LOX: variants seen among roughly 807,000 people sequenced by gnomAD.
LOX encodes the protein protein-lysine 6-oxidase.
LOX carries 12 observed loss-of-function variants against 50.5 expected under a neutral mutation model. That is an observed-to-expected ratio of 0.24 (90% CI 0.15 to 0.38). The LOEUF is 0.38. LOX is among the 10% of genes least tolerant of loss of function. The pLI, the probability that LOX is intolerant of heterozygous loss-of-function variation, is 1.00. For synonymous variants in LOX, 254 were observed against 230.6 expected, an observed-to-expected ratio of 1.10 and a Z score of -0.92; for missense variants, 504 against 563.8, an observed-to-expected ratio of 0.89 and a Z score of 1.07.
In LOX at chr5:122,077,046, G is replaced by A; in HGVS notation, c.632-45C>T. Reference sequence around the variant, plus strand: ...GGGCGCAGCAGTGAAACAACCCGGCGCCCCCCGCTCCAACTCCCTACCCCT... The same window carrying A: ...GGGCGCAGCAGTGAAACAACCCGGCACCCCCCGCTCCAACTCCCTACCCCT... On this transcript the variant is annotated intron_variant, in intron 1 of 6. Coordinates refer to ENST00000231004, the MANE Select transcript of LOX (RefSeq NM_002317.7). This position sits in a 1 kb window ranked among gnomAD's most constrained non-coding sequence, Gnocchi z 4.9. The A allele has an allele frequency of 6.2e-7, 1 of 1,604,714 alleles. No individual in the cohort carries two copies. Among genetic ancestry groups the A allele is most frequent in the Non-Finnish European group, 8.5e-7 (1 of 1,178,628 alleles).
chr5:122,072,510 T>C (rs1172530200), intron 4 of LOX, among the ~76,000 whole-genome samples: 3 of 152,204 alleles, frequency 2.0e-5, no homozygotes, highest in Non-Finnish European at 2.9e-5. Context: ...ACAAGAGTTA[T>C]TAATATGTAA....
intron 4 of LOX, among the ~76,000 whole-genome samples, chr5:122,072,044 A>T (rs916948533): frequency 3.9e-5 from 6 of 152,234 alleles, no homozygotes; most frequent in Non-Finnish European, 8.8e-5. Context: ...ATTCCAGCAT[A>T]CAATTCTGAT....
In LOX at chr5:122,065,934, A is replaced by G. The variant is rs886545539; in HGVS notation, c.*809T>C. ...TTCCAGTTTCACGGCTGCCTTATGT[A>G]TACCAGTCCCAAGAATGGTGATATT... On this transcript the variant is annotated 3_prime_UTR_variant, in exon 7 of 7. Transcript: ENST00000231004. 1 of 152,052 alleles carries G rather than the reference A, an allele frequency of 6.6e-6. No individual in the cohort carries two copies. Among genetic ancestry groups the G allele is most frequent in the Non-Finnish European group, 1.5e-5 (1 of 67,990 alleles). 9.4% of individuals were successfully genotyped at this position (152,052 alleles called of 1,614,324 possible).
intron 4 of LOX, among the ~76,000 whole-genome samples, chr5:122,072,676 AC>A (rs779380401): frequency 6.6e-6 from 1 of 152,214 alleles, no homozygotes; most frequent in Non-Finnish European, 1.5e-5. Context: ...AATGAAAAAA[AC>A]AAATATATAA....
rs1754688465 is a variant in LOX, at chr5:122,077,852, T to C, written c.134A>G (p.Gln45Arg). 3 of 1,544,366 alleles carry C rather than the reference T, an allele frequency of 1.9e-6. No individual in the cohort carries two copies. Among genetic ancestry groups the C allele is most frequent in the Non-Finnish European group, 2.6e-6 (3 of 1,150,164 alleles). Residue 45 changes from glutamine (Q) to arginine (R), a missense_variant, in exon 1 of 7, where the codon CAG becomes CGG. Transcript: ENST00000231004. The surrounding 1 kb of genome is among the most constrained non-coding windows in gnomAD (Gnocchi z 4.9). The stretch of plus-strand genomic sequence containing the variant: ...CTGCCCGTTGTTCTCCCATTGGATC[T>C]GCTGGCGCCAGGCGCCCGGAGCCGC... ...PPAAPGAWRQQIQWENNGQVF... is the reference protein window; with the variant it reads ...PPAAPGAWRQRIQWENNGQVF...
chr5:122,076,885 G>A lies in LOX; in HGVS notation c.740+8C>T. 1 of 1,613,486 alleles carries A rather than the reference G, an allele frequency of 6.2e-7. No homozygotes were observed. Among genetic ancestry groups the A allele is most frequent in the Non-Finnish European group, 8.5e-7 (1 of 1,179,580 alleles). On this transcript the variant is annotated splice_region_variant and intron_variant, in intron 2 of 6. Coordinates refer to ENST00000231004, the MANE Select transcript of LOX (RefSeq NM_002317.7). ...GGGGAGCGGGGCCTCAGACATATCAGCCCGTACCTGGCCAGACAGTTTTCC... is the reference window on the plus strand; with the variant it reads ...GGGGAGCGGGGCCTCAGACATATCAACCCGTACCTGGCCAGACAGTTTTCC...
intron 6 of LOX, among the ~76,000 whole-genome samples, chr5:122,069,241 C>T (rs1286016835): frequency 6.6e-6 from 1 of 152,044 alleles, no homozygotes; most frequent in African/African-American, 2.4e-5. Context: ...TGGTGGTTCT[C>T]CAGTGACAAA....
rs751010054 is a variant in LOX, at chr5:122,077,052, CG to C, written c.632-52del. The stretch of plus-strand genomic sequence containing the variant: ...AGCAGTGAAACAACCCGGCGCCCCC[CG>C]CTCCAACTCCCTACCCCTCTAGGTC... On this transcript the variant is annotated intron_variant, in intron 1 of 6. Transcript: ENST00000231004. The surrounding 1 kb of genome is among the most constrained non-coding windows in gnomAD (Gnocchi z 4.9). The C allele has an allele frequency of 3.7e-4, 595 of 1,602,480 alleles. No individual in the cohort carries two copies. The highest frequency in any genetic ancestry group is 4.8e-4 in the Non-Finnish European group (567 of 1,177,900).
Position 122,077,132 on chromosome 5 carries a change from A to C in LOX, c.632-131T>G. 1 of 1,480,820 alleles carries C rather than the reference A, an allele frequency of 6.8e-7. No individual in the cohort carries two copies. The highest frequency in any genetic ancestry group is 2.4e-5 in the East Asian group (1 of 41,322). 91.7% of individuals were successfully genotyped at this position (1,480,820 alleles called of 1,614,324 possible). On this transcript the variant is annotated intron_variant, in intron 1 of 6. Transcript: ENST00000231004. The surrounding 1 kb of genome is among the most constrained non-coding windows in gnomAD (Gnocchi z 4.9). ...ACTGCAGAGTGGAGCGGAGGACAGC[A>C]AGAGAACTGGGGACGCCCGGGACTG...
rs571020062 is a variant in LOX, at chr5:122,076,741, G to T, written c.740+152C>A. 1.9e-5 allele frequency: 12 copies of T among 629,304 alleles called. No individual in the cohort carries two copies. In the African/African-American group the frequency reaches 2.0e-4, roughly 10 times the overall value. The allele number at this position is 629,304 out of a possible 1,614,324, so 39.0% of individuals were successfully genotyped here. ...TCAAAAATATTAACTCTCCGTCCAG[G>T]TCAGCATGCCCAGGAGGTCACGTCC... On this transcript the variant is annotated intron_variant, in intron 2 of 6. Coordinates refer to ENST00000231004, the MANE Select transcript of LOX (RefSeq NM_002317.7).
chr5:122,070,627 T>C (rs1580560224), intron 4 of LOX, 38 bp from the exon 5 acceptor site: 1 of 1,103,820 alleles, frequency 9.1e-7, no homozygotes, highest in East Asian at 2.4e-5. Context: ...AATTATGGTA[T>C]GTGGTCAGAC....
At chr5:122,071,506 T>G (rs1754452184) in intron 4 of LOX, among the ~76,000 whole-genome samples, 1 of 152,152 alleles carries the variant, frequency 6.6e-6, no homozygotes, top group Non-Finnish European at 1.5e-5. Flanking sequence ...AATATTCACA[T>G]CAATAAGTAA....
chr5:122,077,340 C>T lies in LOX; in HGVS notation c.631+15G>A, dbSNP rs751919704. On this transcript the variant is annotated intron_variant, in intron 1 of 6. Coordinates refer to ENST00000231004, the MANE Select transcript of LOX (RefSeq NM_002317.7). The surrounding 1 kb of genome is among the most constrained non-coding windows in gnomAD (Gnocchi z 4.9). ...CAGGTGCACGGGTGCTTCCAGCGGA[C>T]TTGGGGGTACTTACCGTACTGGAAG... The T allele has an allele frequency of 1.9e-6, 3 of 1,613,472 alleles. No individual in the cohort carries two copies. The highest frequency in any genetic ancestry group is 2.7e-5 in the African/African-American group (2 of 74,930).
chr5:122,066,806 T>C (rs970504987), intron 6 of LOX, 57 bp from the exon 7 acceptor site: 1 of 1,065,098 alleles, frequency 9.4e-7, no homozygotes, highest in Non-Finnish European at 1.5e-6. Context: ...AATGAATGAG[T>C]ACAACAGACA....
intron 2 of LOX, 129 bp downstream of exon 2, chr5:122,076,763 GT>G: frequency 1.4e-6 from 1 of 712,578 alleles, no homozygotes; most frequent in South Asian, 1.8e-5. Flanking sequence ...AGGAGGTCAC[GT>G]CCCACTTCCC....
chr5:122,076,446 T>C (rs1181508871), intron 2 of LOX, among the ~76,000 whole-genome samples: 1 of 152,148 alleles, frequency 6.6e-6, no homozygotes, highest in Non-Finnish European at 1.5e-5. Context: ...TTCATCGTGG[T>C]CTCAAACAAA....
chr5:122,073,951 A>T, intron 4 of LOX, 62 bp downstream of exon 4: 2 of 1,472,858 alleles, frequency 1.4e-6, no homozygotes, highest in Non-Finnish European at 1.9e-6. Context: ...AATGCTAACT[A>T]ACGGTAGATG....
Position 122,070,578 on chromosome 5 carries a change from A to G in LOX, c.1047T>C (p.Pro349=), listed in dbSNP as rs766710805. The G allele has an allele frequency of 8.2e-6, 13 of 1,589,874 alleles. No homozygotes were observed. Among genetic ancestry groups the G allele is most frequent in the Middle Eastern group, 1.7e-4 (1 of 5,944 alleles). ...CTGCACCATAGGTATCATAACAGCC[A>G]GGACTCAATCCCTAAGATAAACAAA... ...ACTAHTQGLS[P]GCYDTYGADI... Residue 349 remains proline, a synonymous_variant, in exon 5 of 7, where the codon CCT becomes CCC. Coordinates refer to ENST00000231004, the MANE Select transcript of LOX (RefSeq NM_002317.7).
At chr5:122,075,979 T>C (rs568514774) in intron 2 of LOX, 1 of 152,564 alleles carries the variant, frequency 6.6e-6, no homozygotes, top group African/African-American at 2.4e-5. Flanking sequence ...AAAAAGTTAA[T>C]GAGCTGCAAA....
Sources: allele counts gnomAD v4.1 joint callset (sites outside exome capture counted in the v4.1 genomes callset), GRCh38; gene constraint gnomAD v4.1.1; non-coding constraint Gnocchi (gnomAD v3.1); transcripts MANE v1.5; gene names NCBI Gene and HGNC (gene_info 2026-07-23, HGNC 2026-07-21).